SASH1: variants seen among roughly 807,000 people sequenced by gnomAD.
The protein encoded by SASH1 is SAM and SH3 domain-containing protein 1.
A neutral mutation model predicts 125.2 loss-of-function variants in SASH1; 44 were observed. That is an observed-to-expected ratio of 0.35 (90% CI 0.28 to 0.45). The LOEUF (loss-of-function observed/expected upper bound fraction) is 0.45. Ranked by LOEUF, SASH1 falls within the 20% of genes least tolerant of loss-of-function variation. The pLI is 1.00. For synonymous variants in SASH1, 639 were observed against 649.1 expected (o/e 0.98, Z 0.24); for missense variants, 1,426 against 1,614.5 (o/e 0.88, Z 2.00).
the SASH1 span, among the ~76,000 whole-genome samples, chr6:148,242,483 C>T: frequency 1.3e-5 from 2 of 152,172 alleles, no homozygotes; most frequent in Non-Finnish European, 2.9e-5. Context: ...AACAAAGACT[C>T]CAATTTCTAG....
At chr6:148,310,189 G>T (rs572995953) in intron 1 of SASH1, among the ~76,000 whole-genome samples, 2 of 152,214 alleles carry the variant, frequency 1.3e-5, no homozygotes, top group Admixed American at 1.3e-4. Context: ...AGGTGTGGTG[G>T]TGCGTGCCTG....
In SASH1 at chr6:148,532,701, C is replaced by A; in HGVS notation, c.1565-96C>A. 1 of 1,409,522 alleles carries A rather than the reference C, an allele frequency of 7.1e-7. No individual in the cohort carries two copies. The highest frequency in any genetic ancestry group is 9.8e-7 in the Non-Finnish European group (1 of 1,020,366). The allele number at this position is 1,409,522 out of a possible 1,614,324, so 87.3% of individuals were successfully genotyped here. ...TGGCTCAAGGCTTCCTTTCTCTGGGCCTTCATTTCCTAATCTGCCATACCT... is the reference window on the plus strand; with the variant it reads ...TGGCTCAAGGCTTCCTTTCTCTGGGACTTCATTTCCTAATCTGCCATACCT... On this transcript the variant is annotated intron_variant, in intron 13 of 19. Coordinates refer to ENST00000367467, the MANE Select transcript of SASH1 (RefSeq NM_015278.5). The surrounding 1 kb of genome is among the most constrained non-coding windows in gnomAD (Gnocchi z 4.7).
intron 2 of SASH1, among the ~76,000 whole-genome samples, chr6:148,395,002 A>G (rs1162407235): frequency 6.6e-6 from 1 of 152,220 alleles, no homozygotes; most frequent in East Asian, 1.9e-4. Context: ...TGGCTTTGAG[A>G]TGAAATAACC....
At chr6:148,302,731 TTATG>T (rs71031060) in intron 1 of SASH1, among the ~76,000 whole-genome samples, 40,608 of 146,430 alleles carry the variant, frequency 0.28, 5,927 homozygotes, top group South Asian at 0.36. Flanking sequence ...ATTTCTGTGT[TTATG>T]TATTTCTGTG....
chr6:148,204,210 C>T, the SASH1 span, among the ~76,000 whole-genome samples: 4 of 152,272 alleles, frequency 2.6e-5, no homozygotes, highest in Non-Finnish European at 4.4e-5. Flanking sequence ...CATTTGAATG[C>T]GGTTTGCAGA....
chr6:148,268,088 G>A (rs996682119), upstream of SASH1, among the ~76,000 whole-genome samples: 11 of 152,142 alleles, frequency 7.2e-5, no homozygotes, highest in Non-Finnish European at 1.2e-4. Context: ...TCTCAGTTCC[G>A]TTTAGTTCCT....
chr6:148,337,003 C>T (rs1781176807), intron 1 of SASH1, among the ~76,000 whole-genome samples: 1 of 152,178 alleles, frequency 6.6e-6, no homozygotes, highest in Non-Finnish European at 1.5e-5. Context: ...TACCCCACAA[C>T]TTGTAGACTA....
At chr6:148,346,397 C>T (rs1367085117) in intron 1 of SASH1, among the ~76,000 whole-genome samples, 2 of 150,806 alleles carry the variant, frequency 1.3e-5, no homozygotes, top group South Asian at 2.1e-4. Flanking sequence ...GTATAATTTA[C>T]GGCATGAAAA....
chr6:148,290,497 T>G (rs1329668634), intron 1 of SASH1, among the ~76,000 whole-genome samples: 6 of 151,850 alleles, frequency 4.0e-5, no homozygotes, highest in Non-Finnish European at 8.8e-5. Flanking sequence ...TCCCAGCTAC[T>G]CGGGAGGCTG....
chr6:148,533,722 C>T lies in SASH1; in HGVS notation c.1735-49C>T, dbSNP rs574679674. 10 of 1,511,914 alleles carry T rather than the reference C, an allele frequency of 6.6e-6. No individual in the cohort carries two copies. The highest frequency in any genetic ancestry group is 1.7e-5 in the Admixed American group (1 of 58,006). 93.7% of individuals were successfully genotyped at this position (1,511,914 alleles called of 1,614,324 possible). Reference sequence around the variant, plus strand: ...GTATCTGACAGATTCTTGATTTGTACGTTCATGGAATGTACCTAATGGAAA... The same window carrying T: ...GTATCTGACAGATTCTTGATTTGTATGTTCATGGAATGTACCTAATGGAAA... On this transcript the variant is annotated intron_variant, in intron 14 of 19. Transcript: ENST00000367467. This position sits in a 1 kb window ranked among gnomAD's most constrained non-coding sequence, Gnocchi z 6.2.
rs1350364009 is a variant in SASH1 at position 148,544,444 on chromosome 6, A to G, written c.2974A>G (p.Ser992Gly). 3.1e-6 allele frequency: 5 copies of G among 1,614,184 alleles called. No homozygotes were observed. Among genetic ancestry groups the G allele is most frequent in the Non-Finnish European group, 4.2e-6 (5 of 1,180,042 alleles). Reference sequence around the variant, plus strand: ...GCCTCCACCTGTTCCTGCCAAAAAGAGCAGAGAACGCCTTGCTAACGGACT... The same window carrying G: ...GCCTCCACCTGTTCCTGCCAAAAAGGGCAGAGAACGCCTTGCTAACGGACT... ...SQPPPVPAKKSRERLANGLHP... is the reference protein window; with the variant it reads ...SQPPPVPAKKGRERLANGLHP... Residue 992 changes from serine (S) to glycine (G), a missense_variant, in exon 18 of 20, where the codon AGC (serine) becomes GGC (glycine). Physicochemically the swap from Ser to Gly is moderately conservative, Grantham distance 56. Around this residue, in one of 3 missense-constraint regions of SASH1, gnomAD observed 634 missense variants for 694.4 expected, o/e 0.91. Coordinates refer to ENST00000367467, the MANE Select transcript of SASH1 (RefSeq NM_015278.5). This position sits in a 1 kb window ranked among gnomAD's most constrained non-coding sequence, Gnocchi z 6.4.
intron 2 of SASH1, among the ~76,000 whole-genome samples, chr6:148,437,731 A>T (rs990717431): frequency 6.6e-6 from 1 of 152,232 alleles, no homozygotes; most frequent in Non-Finnish European, 1.5e-5. Context: ...TAAAAAAAAA[A>T]ATTTGTTTAA....
intron 1 of SASH1, 41 bp downstream of exon 1, chr6:148,343,264 C>T (rs778686246): frequency 6.5e-7 from 1 of 1,539,922 alleles, no homozygotes; most frequent in South Asian, 1.2e-5. Context: ...AAGTACAGTT[C>T]GCAGCAGCCC....
intron 1 of SASH1, among the ~76,000 whole-genome samples, chr6:148,298,722 G>C (rs190978692): frequency 1.2e-5 from 1 of 84,518 alleles, no homozygotes; most frequent in Non-Finnish European, 2.1e-5. Flanking sequence ...AGAAGGAAGG[G>C]AAAGGAGGGA....
chr6:148,211,813 G>A, the SASH1 span, among the ~76,000 whole-genome samples: 6 of 152,068 alleles, frequency 3.9e-5, no homozygotes, highest in African/African-American at 1.2e-4. Context: ...GGCCTGTGAC[G>A]GCTGCTCCCT....
At chr6:148,210,872 A>AT in the SASH1 span, among the ~76,000 whole-genome samples, 1 of 152,128 alleles carries the variant, frequency 6.6e-6, no homozygotes, top group African/African-American at 2.4e-5. Context: ...AAATAGACAT[A>AT]TTTTTTCTGA....
At chr6:148,527,729 AT>A in intron 12 of SASH1, 133 bp downstream of exon 12, 2 of 850,446 alleles carry the variant, frequency 2.4e-6, no homozygotes, top group Non-Finnish European at 3.6e-6. Flanking sequence ...TCCGTGCTTT[AT>A]TTACGTAGAG....
intron 2 of SASH1, among the ~76,000 whole-genome samples, chr6:148,417,652 C>G (rs777034960): frequency 1.3e-5 from 2 of 151,108 alleles, no homozygotes; most frequent in Non-Finnish European, 2.9e-5. Context: ...CTCCACAGAG[C>G]CTGCCACCTT....
chr6:148,250,796 C>A, the SASH1 span, among the ~76,000 whole-genome samples: 7 of 152,132 alleles, frequency 4.6e-5, no homozygotes, highest in Non-Finnish European at 1.0e-4. Context: ...TTGTTAAATT[C>A]TATCATCCCT....
Sources: gnomAD v4.1 joint callset for allele counts (sites outside exome capture counted in the v4.1 genomes callset) on GRCh38, gnomAD v4.1.1 for gene constraint, gnomAD v4.1.1 regional missense constraint, Gnocchi (gnomAD v3.1) non-coding constraint, MANE v1.5 for transcripts, NCBI Gene and HGNC (gene_info 2026-07-23, HGNC 2026-07-21) for gene names.